The following CCNH variants were observed in gnomAD, a reference collection of about 807,000 sequenced individuals.
CCNH encodes the protein cyclin-H.
CCNH carries 31 observed loss-of-function variants against 41.9 expected under a neutral mutation model. The ratio of observed to expected loss-of-function variants is 0.74; its 90% CI spans 0.56 to 1.00. CCNH has a LOEUF of 1.00. Among genes scored for constraint, CCNH ranks in the 50% least tolerant of loss-of-function variants. The pLI, the probability that CCNH is intolerant of heterozygous loss-of-function variation, is 0.00. For synonymous variants in CCNH, 138 were observed against 136.1 expected, an observed-to-expected ratio of 1.01 and a Z score of -0.10; for missense variants, 362 against 388.4, an observed-to-expected ratio of 0.93 and a Z score of 0.57.
intron 9 of CCNH, among the ~76,000 whole-genome samples, chr5:87,361,160 T>C (rs982477891): frequency 7.9e-5 from 12 of 152,198 alleles, no homozygotes; most frequent in African/African-American, 2.7e-4. Flanking sequence ...AGTCTGTCTT[T>C]TTATCTGGAA....
exon 1 of CCNH, chr5:87,377,052 C>T: frequency 5.6e-6 from 9 of 1,610,072 alleles, no homozygotes; most frequent in Non-Finnish European, 5.9e-6. Context: ...TATGGTATGG[C>T]CATGTTAGTG....
chr5:87,370,415 T>A (rs1391587941), intron 9 of CCNH, among the ~76,000 whole-genome samples: 1 of 152,202 alleles, frequency 6.6e-6, no homozygotes, highest in African/African-American at 2.4e-5. Flanking sequence ...TAGCGTCTAT[T>A]AAGTAATTGT....
downstream of CCNH, chr5:87,392,998 A>ATAAC (rs746650696): frequency 1.3e-5 from 2 of 151,976 alleles, no homozygotes; most frequent in Non-Finnish European, 2.9e-5. Context: ...TGGAGGATTT[A>ATAAC]TAACTTTTGG....
downstream of CCNH, chr5:87,392,573 A>G (rs1762600564): frequency 3.1e-6 from 1 of 322,336 alleles, no homozygotes. Context: ...GACAGGGAGG[A>G]TATGGATTAG....
upstream of CCNH, chr5:87,377,218 T>G (rs1761387742): frequency 3.9e-6 from 3 of 770,846 alleles, no homozygotes; most frequent in Non-Finnish European, 4.2e-6. Context: ...TTGGTTACTA[T>G]GGGAAGCTGA....
chr5:87,408,021 G>C lies in CCNH; in HGVS notation c.480C>G (p.Val160=), dbSNP rs753489239. 1.9e-6 allele frequency: 3 copies of C among 1,613,664 alleles called. No individual in the cohort carries two copies. The highest frequency in any genetic ancestry group is 1.7e-5 in the Admixed American group (1 of 60,004). Residue 160 remains valine, a synonymous_variant, in exon 4 of 9, where the codon GTC becomes GTG. Transcript: ENST00000256897. ...CCTCAAATGGTCTGTAAGGATTGTG[G>C]ACAATAAGGTGGAAATTAAGTTGCT... ...LIQQLNFHLI[V]HNPYRPFEGF... is the part of the protein sequence containing the mutation.
At chr5:87,341,031 T>G (rs1477170184) in intron 9 of CCNH, among the ~76,000 whole-genome samples, 1 of 151,160 alleles carries the variant, frequency 6.6e-6, no homozygotes, top group African/African-American at 2.4e-5. Flanking sequence ...CAGATTAGAG[T>G]GGTGGAGTAG....
At chr5:87,372,426 C>T (rs1327292106), downstream of CCNH, among the ~76,000 whole-genome samples, 1 of 152,136 alleles carries the variant, frequency 6.6e-6, no homozygotes, top group Non-Finnish European at 1.5e-5. Flanking sequence ...TAAATAACAA[C>T]ACTAAACCAA....
In CCNH at chr5:87,337,652, A is replaced by G. The variant is rs1043436726; in HGVS notation, c.*91-18755T>C. Among the ~76,000 whole-genome samples the G allele has an allele frequency of 2.0e-5, 3 of 152,124 alleles. No individual in the cohort carries two copies. In the East Asian group the frequency reaches 5.8e-4, roughly 29 times the overall value. On this transcript the variant is annotated intron_variant and NMD_transcript_variant, in intron 9 of 9. Transcript: ENST00000645953. Reference sequence around the variant, plus strand: ...TCAGTTTTCTTGTAGTTACACCCCAAAACCTTCAATATATGTACAATCAGT... The same window carrying G: ...TCAGTTTTCTTGTAGTTACACCCCAGAACCTTCAATATATGTACAATCAGT...
At chr5:87,347,381 C>A (rs1758939375) in intron 9 of CCNH, among the ~76,000 whole-genome samples, 2 of 151,926 alleles carry the variant, frequency 1.3e-5, no homozygotes, top group African/African-American at 4.8e-5. Context: ...ACCATCCTGT[C>A]ATTGTTTATT....
chr5:87,412,604 G>A (rs1764344074), intron 1 of CCNH, 74 bp downstream of exon 1: 5 of 1,574,402 alleles, frequency 3.2e-6, no homozygotes, highest in Non-Finnish European at 4.3e-6. Flanking sequence ...GATTGTCCTG[G>A]GAGCCAGAAG....
At chr5:87,390,713 G>C, downstream of CCNH, 1 of 1,075,526 alleles carries the variant, frequency 9.3e-7, no homozygotes. Flanking sequence ...CTTTTGCTTT[G>C]ATACAGTTTT....
At chr5:87,349,739 A>G in intron 9 of CCNH, among the ~76,000 whole-genome samples, 1 of 151,974 alleles carries the variant, frequency 6.6e-6, no homozygotes, top group Non-Finnish European at 1.5e-5. Context: ...GTTTCTAAAG[A>G]TACCTGAGAC....
At chr5:87,331,251 T>C (rs750833206) in intron 9 of CCNH, 2 of 1,249,134 alleles carry the variant, frequency 1.6e-6, no homozygotes, top group African/African-American at 3.0e-5. Context: ...AAGTTACATG[T>C]AGGCATTTAA....
chr5:87,405,756 C>G (rs1203223324), intron 4 of CCNH, among the ~76,000 whole-genome samples: 1 of 152,106 alleles, frequency 6.6e-6, no homozygotes, highest in Non-Finnish European at 1.5e-5. Flanking sequence ...TCCCACTCAC[C>G]AGTGTCCTCT....
chr5:87,406,769 C>T (rs1435461582), intron 4 of CCNH, among the ~76,000 whole-genome samples: 1 of 152,182 alleles, frequency 6.6e-6, no homozygotes, highest in Non-Finnish European at 1.5e-5. Context: ...AAGCCCAGCA[C>T]TATCTTTTGC....
At chr5:87,347,074 T>C (rs988256521) in intron 9 of CCNH, among the ~76,000 whole-genome samples, 1 of 152,014 alleles carries the variant, frequency 6.6e-6, no homozygotes, top group Non-Finnish European at 1.5e-5. Flanking sequence ...ACTTTTTTCA[T>C]GTTAGATATA....
chr5:87,345,966 TAAATCAG>T (rs1450359458), intron 9 of CCNH, among the ~76,000 whole-genome samples: 2 of 152,136 alleles, frequency 1.3e-5, no homozygotes, highest in African/African-American at 2.4e-5. Context: ...AATTACTTTT[TAAATCAG>T]ATATATCCTT....
At chr5:87,370,258 A>G (rs1253805438) in intron 9 of CCNH, among the ~76,000 whole-genome samples, 1 of 152,164 alleles carries the variant, frequency 6.6e-6, no homozygotes, top group Non-Finnish European at 1.5e-5. Flanking sequence ...GCTAACAAGC[A>G]TTATTCTTCA....
Sources: allele counts gnomAD v4.1 joint callset (sites outside exome capture counted in the v4.1 genomes callset), GRCh38; gene constraint gnomAD v4.1.1; transcripts MANE v1.5; gene names NCBI Gene and HGNC (gene_info 2026-07-23, HGNC 2026-07-21).